The following DPH7 variants were observed in gnomAD, a reference collection of about 807,000 sequenced individuals.
DPH7 encodes the protein diphthamide biosynthesis 7, also known as diphthine methyltransferase.
A neutral mutation model predicts 41.7 loss-of-function variants in DPH7; 44 were observed. The ratio of observed to expected loss-of-function variants is 1.05; its 90% confidence interval spans 0.83 to 1.36. The LOEUF (loss-of-function observed/expected upper bound fraction) is 1.36. Among genes scored for constraint, DPH7 ranks in the 40% most tolerant of loss-of-function variants. DPH7 has a pLI of 0.00. For synonymous variants in DPH7, 275 were observed against 238.0 expected, an observed-to-expected ratio of 1.16 and a Z score of -1.43; for missense variants, 629 against 577.5, an observed-to-expected ratio of 1.09 and a Z score of -0.91.
rs958689372 is a variant in DPH7, at chr9:137,578,801, A to G, written c.-24T>C. On this transcript the variant is annotated 5_prime_UTR_variant, in exon 1 of 9. Transcript: ENST00000277540. ...ATCCAGCCCTCGGGGAAGGGCGCGGAGCCGGCAGTAGAGGCGGGTCGGCGG... is the reference window on the plus strand; with the variant it reads ...ATCCAGCCCTCGGGGAAGGGCGCGGGGCCGGCAGTAGAGGCGGGTCGGCGG... The G allele has an allele frequency of 2.9e-5, 41 of 1,427,564 alleles. No homozygotes were observed. The highest frequency in any genetic ancestry group is 4.6e-6 in the Non-Finnish European group (5 of 1,086,374). 88.4% of individuals were successfully genotyped at this position (1,427,564 alleles called of 1,614,324 possible).
intron 5 of DPH7, among the ~76,000 whole-genome samples, chr9:137,571,535 A>T (rs140316664): frequency 5.2e-4 from 79 of 152,056 alleles, no homozygotes; most frequent in African/African-American, 1.9e-3. Flanking sequence ...GACGCCTATA[A>T]TCCCAACACT....
intron 1 of DPH7, chr9:137,577,958 T>C (rs1414250497): frequency 1.0e-6 from 1 of 984,762 alleles, no homozygotes; most frequent in African/African-American, 1.7e-5. Flanking sequence ...TCCCACTTTC[T>C]CTTTACTGTA....
intron 2 of DPH7, 56 bp from the exon 3 acceptor site, chr9:137,576,223 T>C (rs1222114049): frequency 1.3e-6 from 2 of 1,510,424 alleles, no homozygotes; most frequent in African/African-American, 1.4e-5. Context: ...AGGCGTGCAC[T>C]GTGCGTCCCG....
intron 5 of DPH7, among the ~76,000 whole-genome samples, chr9:137,570,525 G>A (rs982286150): frequency 5.3e-5 from 8 of 152,112 alleles, no homozygotes; most frequent in Admixed American, 2.0e-4. Flanking sequence ...CCCTCTTGTG[G>A]TCTAGACTCA....
rs773172196 is a variant in DPH7, at chr9:137,564,547, G to A, written c.836C>T (p.Thr279Met). 14 of 1,614,004 alleles carry A rather than the reference G, an allele frequency of 8.7e-6. No individual in the cohort carries two copies. The highest frequency in any genetic ancestry group is 4.0e-5 in the African/African-American group (3 of 74,932). The change falls in exon 8 of 9, where the codon ACG (threonine) becomes ATG (methionine). Residue 279 changes from threonine to methionine, a missense_variant. Coordinates refer to ENST00000277540, the MANE Select transcript of DPH7 (RefSeq NM_138778.5). ...TRNMKQPLAD[T>M]PVQGGVWRIK... ...TCTCCATACCCCACCCTGCACAGGC[G>A]TATCTGCCAACGGCTGCTTCATGTT...
intron 8 of DPH7, among the ~76,000 whole-genome samples, chr9:137,559,650 T>C (rs1838163817): frequency 6.6e-6 from 1 of 152,234 alleles, no homozygotes; most frequent in South Asian, 2.1e-4. Context: ...TATGCAGAAA[T>C]AATAGCGTAA....
rs1400718063 is a variant in DPH7 at position 137,578,816 on chromosome 9, C to G, written c.-39G>C. On this transcript the variant is annotated 5_prime_UTR_variant, in exon 1 of 9. Transcript: ENST00000277540. ...AAGGGCGCGGAGCCGGCAGTAGAGG[C>G]GGGTCGGCGGGGCCGGGCTGGGTAC... 2 of 1,394,882 alleles carry G rather than the reference C, an allele frequency of 1.4e-6. No individual in the cohort carries two copies. Among genetic ancestry groups the G allele is most frequent in the Non-Finnish European group, 1.9e-6 (2 of 1,070,568 alleles). The allele number at this position is 1,394,882 out of a possible 1,614,324, so 86.4% of individuals were successfully genotyped here. A position where few individuals can be genotyped will look rare whatever the true frequency, so the allele number is the denominator to read the frequency against.
Position 137,564,416 on chromosome 9 carries a change from C to A in DPH7, c.949+18G>T. On this transcript the variant is annotated intron_variant, in intron 8 of 8. Coordinates refer to ENST00000277540, the MANE Select transcript of DPH7 (RefSeq NM_138778.5). ...GGTGCCCTGCCCTGAGGCCCAGCAG[C>A]CACGGGTCCCCACTCACCCATTGCC... 1 of 1,602,086 alleles carries A rather than the reference C, an allele frequency of 6.2e-7. No individual in the cohort carries two copies. The highest frequency in any genetic ancestry group is 1.1e-5 in the South Asian group (1 of 90,172).
rs574938465 is a variant in DPH7, at chr9:137,576,629, G to A, written c.288-462C>T. Among the ~76,000 whole-genome samples the A allele has an allele frequency of 2.6e-5, 4 of 152,246 alleles. No homozygotes were observed. In the South Asian group the frequency reaches 6.2e-4, roughly 24 times the overall value. On this transcript the variant is annotated intron_variant, in intron 2 of 8. Transcript: ENST00000277540. ...GGTAAGGCCAGGCGTCGTGGCTCAC[G>A]CCTGTAATCCCAGCACGTTGGGAGG... is the stretch of plus-strand genomic sequence containing the variant.
Position 137,575,605 on chromosome 9 carries a change from G to C in DPH7, c.375+475C>G. ...GGCTGTTTACATCACCCCACTACGG[G>C]ACATCCCCGTTCTCCTCCCCGACAG... is the stretch of plus-strand genomic sequence containing the variant. On this transcript the variant is annotated intron_variant, in intron 3 of 8. Coordinates refer to ENST00000277540, the MANE Select transcript of DPH7 (RefSeq NM_138778.5). The C allele has an allele frequency of 3.0e-6, 3 of 1,009,566 alleles. No individual in the cohort carries two copies. The South Asian group carries it at 1.2e-4, about 42-fold the overall frequency. The allele number at this position is 1,009,566 out of a possible 1,614,324, so 62.5% of individuals were successfully genotyped here.
At chr9:137,569,671 GACCCACC>G (rs1234715598) in intron 5 of DPH7, among the ~76,000 whole-genome samples, 6 of 64,450 alleles carry the variant, frequency 9.3e-5, no homozygotes, top group African/African-American at 1.3e-4. Flanking sequence ...CACCACCCAC[GACCCACC>G]ACCCACCACC....
In DPH7 at chr9:137,564,967, A is replaced by C; in HGVS notation, c.711-9T>G. On this transcript the variant is annotated splice_polypyrimidine_tract_variant and intron_variant, in intron 6 of 8. Coordinates refer to ENST00000277540, the MANE Select transcript of DPH7 (RefSeq NM_138778.5). ...ACACACCCATGGTGTGTCTGCAAGC[A>C]GAGGCGGCTTCTGAACCAGTGTCCA... 1 of 1,595,486 alleles carries C rather than the reference A, an allele frequency of 6.3e-7. No individual in the cohort carries two copies. The highest frequency in any genetic ancestry group is 1.1e-5 in the South Asian group (1 of 88,942).
Position 137,577,535 on chromosome 9 carries a change from G to T in DPH7, c.222C>A (p.Asn74Lys), listed in dbSNP as rs1564474133. The change falls in exon 2 of 9, where the codon AAC becomes AAA. Residue 74 changes from asparagine to lysine, a missense_variant. Asn to Lys is a moderately conservative substitution (Grantham distance 94). Coordinates refer to ENST00000277540, the MANE Select transcript of DPH7 (RefSeq NM_138778.5). ...GRLFLYSFND[N>K]NSIHPLVEVQ... ...CCTCGACCAGAGGGTGAATAGAGTT[G>T]TTGTCATTGAAACTGTACAGGAAGA... is the stretch of plus-strand genomic sequence containing the variant. 6.2e-7 allele frequency: 1 copy of T among 1,614,030 alleles called. No homozygotes were observed. Among genetic ancestry groups the T allele is most frequent in the Non-Finnish European group, 8.5e-7 (1 of 1,179,940 alleles).
intron 5 of DPH7, among the ~76,000 whole-genome samples, chr9:137,568,725 C>A (rs923012654): frequency 2.6e-5 from 4 of 152,066 alleles, no homozygotes; most frequent in South Asian, 4.1e-4. Flanking sequence ...AGGGGAAAGA[C>A]GGACGGGAAC....
At position 137,574,399 on chromosome 9, in the gene DPH7, T is replaced by C. The variant is rs1013982642; in HGVS notation, c.468-19A>G. The C allele has an allele frequency of 2.5e-6, 4 of 1,606,540 alleles. No individual in the cohort carries two copies. The highest frequency in any genetic ancestry group is 2.6e-6 in the Non-Finnish European group (3 of 1,175,108). On this transcript the variant is annotated intron_variant, in intron 4 of 8. Transcript: ENST00000277540. The stretch of plus-strand genomic sequence containing the variant: ...CCCGGCCCTAGACACAGGGAACCCA[T>C]GAAGAAGCCCGGCAGAATGTTATTC...
Position 137,555,206 on chromosome 9 carries a change from T to C in DPH7, c.*33A>G, listed in dbSNP as rs760301136. 3.0e-5 allele frequency: 46 copies of C among 1,557,102 alleles called. No individual in the cohort carries two copies. Among genetic ancestry groups the C allele is most frequent in the Non-Finnish European group, 3.7e-5 (43 of 1,149,956 alleles). The stretch of plus-strand genomic sequence containing the variant: ...ACTCACTCGCAGTCTCCCTCCTGGT[T>C]TCCTTGTGGGAAGGGGCTTCATGAT... On this transcript the variant is annotated 3_prime_UTR_variant, in exon 9 of 9. Transcript: ENST00000277540.
At chr9:137,574,710 T>C in intron 4 of DPH7, 42 bp downstream of exon 4, 2 of 1,590,958 alleles carry the variant, frequency 1.3e-6, no homozygotes, top group Non-Finnish European at 1.7e-6. Flanking sequence ...GAAGTGGTTC[T>C]CAGAGAAAGA....
chr9:137,577,394 A>AAGGCATC, intron 2 of DPH7, 76 bp downstream of exon 2: 4 of 1,418,328 alleles, frequency 2.8e-6, no homozygotes, highest in African/African-American at 1.4e-5. Context: ...TGTCTTGTTG[A>AAGGCATC]AGGCATCAGG....
chr9:137,564,777 C>T (rs554016189), intron 7 of DPH7, 116 bp downstream of exon 7: 23 of 1,433,692 alleles, frequency 1.6e-5, no homozygotes, highest in Admixed American at 1.4e-4. Flanking sequence ...CACTGGCAGA[C>T]GAAATGCTGC....
Sources: gnomAD v4.1 joint callset for allele counts (sites outside exome capture counted in the v4.1 genomes callset) on GRCh38, gnomAD v4.1.1 for gene constraint, MANE v1.5 for transcripts, NCBI Gene and HGNC (gene_info 2026-07-23, HGNC 2026-07-21) for gene names.